SCAF8: variants seen among roughly 807,000 people sequenced by gnomAD.
SCAF8 encodes SR-related CTD associated factor 8, also known as SR-related and CTD-associated factor 8.
A neutral mutation model predicts 140.5 loss-of-function variants in SCAF8; 23 were observed. That is an observed-to-expected ratio of 0.16 (90% CI 0.12 to 0.23). The LOEUF is 0.23. Among genes scored for constraint, SCAF8 ranks in the 10% least tolerant of loss-of-function variants. The probability of loss-of-function intolerance (pLI) is 1.00; values close to 1 mark genes in which losing one functional copy is unlikely to be tolerated. For synonymous variants in SCAF8, 575 were observed against 528.9 expected (o/e 1.09, Z -1.20); for missense variants, 1,397 against 1,555.7 (o/e 0.90, Z 1.72).
At chr6:154,797,850 T>C (rs1473270173) in intron 6 of SCAF8, among the ~76,000 whole-genome samples, 1 of 151,642 alleles carries the variant, frequency 6.6e-6, no homozygotes, top group East Asian at 1.9e-4. Flanking sequence ...TTACAAAGTT[T>C]CATAGATTTC....
chr6:154,833,121 A>AC lies in SCAF8; in HGVS notation c.3543dup (p.Arg1182GlnfsTer16). On this transcript the variant is annotated frameshift_variant, in exon 20 of 20. Transcript: ENST00000367178. LOFTEE classifies it high-confidence loss of function. ...ATGAATGGAAATCGTCTTGGACGAGACAGAATTCAAAACACTTGGGTTCCC... is the reference window on the plus strand; with the variant it reads ...ATGAATGGAAATCGTCTTGGACGAGACCAGAATTCAAAACACTTGGGTTCCC... 6.2e-7 allele frequency: 1 copy of AC among 1,614,134 alleles called. No individual in the cohort carries two copies. Among genetic ancestry groups the AC allele is most frequent in the Non-Finnish European group, 8.5e-7 (1 of 1,180,006 alleles).
At chr6:154,789,952 A>G (rs1777366528) in intron 4 of SCAF8, among the ~76,000 whole-genome samples, 2 of 152,218 alleles carry the variant, frequency 1.3e-5, no homozygotes, top group African/African-American at 4.8e-5. Context: ...TGCATTTTTT[A>G]GAAGTCACTT....
chr6:154,817,465 A>G (rs1192552002), intron 13 of SCAF8, among the ~76,000 whole-genome samples: 1 of 152,174 alleles, frequency 6.6e-6, no homozygotes, highest in African/African-American at 2.4e-5. Flanking sequence ...TTCATAATCC[A>G]CTCATTTAAT....
At chr6:154,812,485 C>T (rs1195489321) in intron 12 of SCAF8, among the ~76,000 whole-genome samples, 1 of 151,876 alleles carries the variant, frequency 6.6e-6, no homozygotes, top group Non-Finnish European at 1.5e-5. Flanking sequence ...TGGTCTGGAA[C>T]CAAAGTTGCA....
At chr6:154,826,749 A>G (rs968219448) in intron 17 of SCAF8, among the ~76,000 whole-genome samples, 2 of 152,214 alleles carry the variant, frequency 1.3e-5, no homozygotes, top group African/African-American at 2.4e-5. Context: ...TAAAAAGCCA[A>G]TATTAAATTG....
chr6:154,803,640 T>A lies in SCAF8; in HGVS notation c.863+17T>A, dbSNP rs750558360. On this transcript the variant is annotated intron_variant, in intron 8 of 19. Transcript: ENST00000367178. Reference sequence around the variant, plus strand: ...TTCACAACTGTAAGAATTTTTTCTTTATAGCCATAGTTTTTTTATATTTAG... The same window carrying A: ...TTCACAACTGTAAGAATTTTTTCTTAATAGCCATAGTTTTTTTATATTTAG... The A allele has an allele frequency of 6.5e-7, 1 of 1,535,102 alleles. No homozygotes were observed. Among genetic ancestry groups the A allele is most frequent in the Admixed American group, 1.7e-5 (1 of 59,102 alleles).
chr6:154,791,182 T>A (rs1777409155), intron 4 of SCAF8, among the ~76,000 whole-genome samples: 1 of 152,196 alleles, frequency 6.6e-6, no homozygotes, highest in African/African-American at 2.4e-5. Context: ...GCTTTCAGGA[T>A]CTGTAAAACT....
At chr6:154,747,733 A>G (rs1374944647) in intron 1 of SCAF8, among the ~76,000 whole-genome samples, 3 of 152,210 alleles carry the variant, frequency 2.0e-5, no homozygotes, top group Non-Finnish European at 2.9e-5. Context: ...AAACAGAGCA[A>G]AACAACTTGA....
chr6:154,768,674 T>G (rs1414418098), intron 1 of SCAF8, among the ~76,000 whole-genome samples: 4 of 152,236 alleles, frequency 2.6e-5, no homozygotes, highest in Admixed American at 6.5e-5. Flanking sequence ...GCCTTTTTTG[T>G]TTTTTCAATA....
At chr6:154,742,057 A>C (rs1335060703) in intron 1 of SCAF8, 1 of 1,374,786 alleles carries the variant, frequency 7.3e-7, no homozygotes, top group Non-Finnish European at 1.0e-6. Flanking sequence ...GGCCCTTTGG[A>C]ATATGTTAGG....
intron 2 of SCAF8, 97 bp from the exon 3 acceptor site, chr6:154,777,904 G>T: frequency 6.9e-6 from 5 of 720,772 alleles, no homozygotes. Context: ...TAATTGTTTT[G>T]ATAGACCTTT....
chr6:154,782,337 G>A (rs1448972935), intron 3 of SCAF8, among the ~76,000 whole-genome samples: 2 of 152,178 alleles, frequency 1.3e-5, no homozygotes, highest in African/African-American at 2.4e-5. Context: ...TGAGGCTTGA[G>A]TTCAGGAGGA....
chr6:154,815,963 G>A, intron 13 of SCAF8, 147 bp downstream of exon 13: 1 of 490,140 alleles, frequency 2.0e-6, no homozygotes, highest in South Asian at 2.7e-5. Context: ...GATAATGTCT[G>A]TGTTTATTTT....
rs113924948 is a variant in SCAF8, at chr6:154,792,477, A to G, written c.322-346A>G. On this transcript the variant is annotated intron_variant, in intron 4 of 19. Coordinates refer to ENST00000367178, the MANE Select transcript of SCAF8 (RefSeq NM_014892.5). ...AACTATAAATATAACGTTAGTACTG[A>G]GATGAATCCTGGCTCATCCTCAGAA... is the stretch of plus-strand genomic sequence containing the variant. Among the ~76,000 whole-genome samples, 449 of 152,300 alleles carry G rather than the reference A, an allele frequency of 2.9e-3. 4 individuals are homozygous for G. The highest frequency in any genetic ancestry group is 0.011 in the African/African-American group (437 of 41,542).
chr6:154,782,345 G>A (rs1434346341), intron 3 of SCAF8, among the ~76,000 whole-genome samples: 2 of 152,320 alleles, frequency 1.3e-5, no homozygotes, highest in South Asian at 4.1e-4. Context: ...GAGTTCAGGA[G>A]GAAGTTGAGG....
At chr6:154,803,961 AG>A (rs1165439544) in intron 8 of SCAF8, among the ~76,000 whole-genome samples, 1 of 152,224 alleles carries the variant, frequency 6.6e-6, no homozygotes, top group Non-Finnish European at 1.5e-5. Flanking sequence ...TAGTGCTTAG[AG>A]GCCACTTCTA....
intron 5 of SCAF8, among the ~76,000 whole-genome samples, chr6:154,793,595 G>T (rs184137338): frequency 6.6e-6 from 1 of 151,662 alleles, no homozygotes; most frequent in South Asian, 2.1e-4. Context: ...CAGGCAGATC[G>T]CCTGAGGTCA....
At chr6:154,742,742 CTTTA>C (rs34880519) in intron 1 of SCAF8, among the ~76,000 whole-genome samples, 84,209 of 151,494 alleles carry the variant, frequency 0.56, 25,175 homozygotes, top group East Asian at 0.91. Context: ...TTTGACATTT[CTTTA>C]TTTATTCAGA....
Position 154,831,032 on chromosome 6 carries a change from C to A in SCAF8, c.2251C>A (p.Leu751Met). 1.2e-6 allele frequency: 2 copies of A among 1,614,010 alleles called. No individual in the cohort carries two copies. Among genetic ancestry groups the A allele is most frequent in the Non-Finnish European group, 8.5e-7 (1 of 1,179,912 alleles). The change falls in exon 19 of 20, where the codon CTG becomes ATG. Residue 751 changes from leucine to methionine, a missense_variant. Physicochemically the swap from Leu to Met is conservative, Grantham distance 15. Around this residue, in one of 5 missense-constraint regions of SCAF8, gnomAD observed 930 missense variants for 874.6 expected, o/e 1.06. Transcript: ENST00000367178. ...TGCCAGCAATCTTGCTACTTCCGCTCTGCCAGCTGGAAATGTTTTTAATGC... is the reference window on the plus strand; with the variant it reads ...TGCCAGCAATCTTGCTACTTCCGCTATGCCAGCTGGAAATGTTTTTAATGC... ...SVASNLATSA[L>M]PAGNVFNAPT...
Sources: gnomAD v4.1 joint callset for allele counts (sites outside exome capture counted in the v4.1 genomes callset) on GRCh38, gnomAD v4.1.1 for gene constraint, gnomAD v4.1.1 regional missense constraint, MANE v1.5 for transcripts, NCBI Gene and HGNC (gene_info 2026-07-23, HGNC 2026-07-21) for gene names.